Variants in WDR72 observed in about 807,000 individuals in gnomAD.
WDR72 encodes WD repeat domain 72.
In WDR72, 120 loss-of-function variants were observed where a neutral mutation model predicts 124.2. The ratio of observed to expected loss-of-function variants is 0.97; its 90% CI spans 0.83 to 1.12. The LOEUF (loss-of-function observed/expected upper bound fraction) is 1.12. WDR72 is among the 50% of genes most tolerant of loss of function. WDR72 has a pLI of 0.00. For missense variants in WDR72, 1,387 were observed against 1,278.8 expected, an observed-to-expected ratio of 1.08 and a Z score of -1.29; for synonymous variants, 452 against 441.7, an observed-to-expected ratio of 1.02 and a Z score of -0.29.
At chr15:53,576,111 C>T (rs1894745116) in intron 18 of WDR72, among the ~76,000 whole-genome samples, 1 of 152,104 alleles carries the variant, frequency 6.6e-6, no homozygotes, top group African/African-American at 2.4e-5. Flanking sequence ...CATCACCTCA[C>T]TTACACGATT....
At chr15:53,669,390 G>T (rs137941869) in intron 13 of WDR72, among the ~76,000 whole-genome samples, 519 of 152,186 alleles carry the variant, frequency 3.4e-3, no homozygotes, top group Non-Finnish European at 5.9e-3. Flanking sequence ...GGGGTGGAGG[G>T]GGGTCTTTCT....
intron 14 of WDR72, among the ~76,000 whole-genome samples, chr15:53,639,447 T>A (rs1488364911): frequency 8.4e-6 from 1 of 118,546 alleles, no homozygotes; most frequent in Non-Finnish European, 1.9e-5. Flanking sequence ...ACCTCGTCTC[T>A]ACAGATAATT....
At chr15:53,546,408 G>A (rs368068771) in intron 18 of WDR72, among the ~76,000 whole-genome samples, 33,855 of 148,094 alleles carry the variant, frequency 0.23, 3,783 homozygotes, top group African/African-American at 0.27. Flanking sequence ...GTAAACTATC[G>A]CAAGAACAAA....
intron 18 of WDR72, among the ~76,000 whole-genome samples, chr15:53,554,267 G>C (rs1259048661): frequency 6.6e-6 from 1 of 151,944 alleles, no homozygotes; most frequent in Non-Finnish European, 1.5e-5. Flanking sequence ...TCTACTTGTA[G>C]TAATATCACA....
At chr15:53,606,451 G>A (rs1319949733) in intron 17 of WDR72, among the ~76,000 whole-genome samples, 5 of 152,136 alleles carry the variant, frequency 3.3e-5, no homozygotes, top group Non-Finnish European at 7.3e-5. Flanking sequence ...TGTCACTTCT[G>A]CTTTTCTGGG....
At chr15:53,610,958 C>T (rs1354042505) in intron 16 of WDR72, among the ~76,000 whole-genome samples, 1 of 151,978 alleles carries the variant, frequency 6.6e-6, no homozygotes, top group Non-Finnish European at 1.5e-5. Flanking sequence ...CTTCACAGCA[C>T]AATTTAATGT....
At chr15:53,572,264 G>C (rs1254378811) in intron 18 of WDR72, among the ~76,000 whole-genome samples, 1 of 151,840 alleles carries the variant, frequency 6.6e-6, no homozygotes. Context: ...TGTGCTTTTG[G>C]GGTTGTATTA....
upstream of WDR72, among the ~76,000 whole-genome samples, chr15:53,761,953 G>C (rs547549787): frequency 1.3e-5 from 2 of 152,202 alleles, no homozygotes; most frequent in Non-Finnish European, 2.9e-5. Context: ...AGCCTGTTGT[G>C]AATAGACTAA....
At chr15:53,611,658 G>A (rs937512058) in intron 16 of WDR72, among the ~76,000 whole-genome samples, 33 of 151,992 alleles carry the variant, frequency 2.2e-4, no homozygotes, top group African/African-American at 7.7e-4. Context: ...AATGGGGTTA[G>A]GAATCAGATT....
rs946810445 is a variant in WDR72, at chr15:53,607,944, A to G, written c.2952+1569T>C. Among the ~76,000 whole-genome samples the G allele has an allele frequency of 2.6e-5, 4 of 152,244 alleles. No homozygotes were observed. In the South Asian group the frequency reaches 8.3e-4, roughly 31 times the overall value. ...CTTATCATCAGAGAAATGCAAATCA[A>G]AGCAACAATGCAATATCATGTCACC... On this transcript the variant is annotated intron_variant, in intron 17 of 19. Transcript: ENST00000360509.
chr15:53,544,738 G>C (rs1387316649), intron 18 of WDR72, among the ~76,000 whole-genome samples: 1 of 149,130 alleles, frequency 6.7e-6, no homozygotes, highest in Non-Finnish European at 1.5e-5. Flanking sequence ...GTTTGCAGAC[G>C]ACATGACTGT....
At chr15:53,714,888 C>A (rs2017660518) in intron 5 of WDR72, among the ~76,000 whole-genome samples, 1 of 152,154 alleles carries the variant, frequency 6.6e-6, no homozygotes, top group Non-Finnish European at 1.5e-5. Context: ...TCCAGGAGTC[C>A]TGCTAATCCA....
intron 18 of WDR72, among the ~76,000 whole-genome samples, chr15:53,591,973 A>T (rs1299768790): frequency 6.6e-6 from 1 of 152,056 alleles, no homozygotes; most frequent in Non-Finnish European, 1.5e-5. Flanking sequence ...TCGATCTTCC[A>T]CTATATCTTC....
intron 3 of WDR72, among the ~76,000 whole-genome samples, chr15:53,720,472 A>C (rs2017846907): frequency 2.6e-5 from 4 of 152,202 alleles, no homozygotes; most frequent in Admixed American, 1.3e-4. Flanking sequence ...CTTCTTACTA[A>C]AGAATATCAT....
At chr15:53,580,472 G>C (rs535740315) in intron 18 of WDR72, among the ~76,000 whole-genome samples, 1 of 152,006 alleles carries the variant, frequency 6.6e-6, no homozygotes, top group Non-Finnish European at 1.5e-5. Flanking sequence ...ATTTGCAAAA[G>C]AGCCCTGAAC....
intron 18 of WDR72, among the ~76,000 whole-genome samples, chr15:53,537,131 T>C (rs1892805745): frequency 6.6e-6 from 1 of 152,204 alleles, no homozygotes; most frequent in Non-Finnish European, 1.5e-5. Context: ...CAGCTTTCTA[T>C]ATTGGTGTGC....
chr15:53,574,157 A>G (rs62005915), intron 18 of WDR72, among the ~76,000 whole-genome samples: 9,996 of 152,272 alleles, frequency 0.066, 521 homozygotes, highest in East Asian at 0.23. Flanking sequence ...TAATCCTTCC[A>G]AAGACATTTT....
intron 14 of WDR72, among the ~76,000 whole-genome samples, chr15:53,631,555 A>G (rs542273162): frequency 6.6e-6 from 1 of 152,334 alleles, no homozygotes; most frequent in South Asian, 2.1e-4. Context: ...TGGAGGCCTC[A>G]GAAGAAGACA....
intron 1 of WDR72, among the ~76,000 whole-genome samples, chr15:53,741,327 A>C (rs552239861): frequency 6.6e-6 from 1 of 152,338 alleles, no homozygotes; most frequent in South Asian, 2.1e-4. Context: ...CCAAATTAGA[A>C]AACAAAATGG....
Sources: allele counts gnomAD v4.1 joint callset (sites outside exome capture counted in the v4.1 genomes callset), GRCh38; gene constraint gnomAD v4.1.1; transcripts MANE v1.5; gene names NCBI Gene and HGNC (gene_info 2026-07-23, HGNC 2026-07-21).